The following CDH13 variants were observed in gnomAD, a reference collection of about 807,000 sequenced individuals.
The protein encoded by CDH13 is cadherin-13.
A neutral mutation model predicts 63.8 loss-of-function variants in CDH13; 24 were observed. That is an observed-to-expected ratio of 0.38 (90% CI 0.27 to 0.53). The LOEUF is 0.53. Ranked by LOEUF, CDH13 falls within the 20% of genes least tolerant of loss-of-function variation. The probability of loss-of-function intolerance (pLI) is 0.85; values close to 1 mark genes in which losing one functional copy is unlikely to be tolerated. For synonymous variants in CDH13, 503 were observed against 355.3 expected (o/e 1.42, Z -4.67); for missense variants, 1,049 against 903.1 (o/e 1.16, Z -2.07).
At chr16:83,052,776 C>CAAAAAAAAAAAAAAAAAAA (rs71148805) in intron 3 of CDH13, among the ~76,000 whole-genome samples, 1 of 92,918 alleles carries the variant, frequency 1.1e-5, no homozygotes, top group Non-Finnish European at 2.1e-5. Context: ...GACTTTATCT[C>CAAAAAAAAAAAAAAAAAAA]AAAAAAAAAA....
Position 82,705,058 on chromosome 16 carries a change from G to GT in CDH13, c.45+77922dup. On this transcript the variant is annotated intron_variant, in intron 1 of 13. Coordinates refer to ENST00000567109, the MANE Select transcript of CDH13 (RefSeq NM_001257.5). ...TAAACGGTTTCTTCTTTTTATTCTT[G>GT]TAGACACCAGTGAGGCCTACCATAT... is the stretch of plus-strand genomic sequence containing the variant. The GT allele has an allele frequency of 4.6e-6, 2 of 437,966 alleles. 1 individual carries two copies. The highest frequency in any genetic ancestry group is 3.3e-5 in the South Asian group (2 of 61,252). The allele number at this position is 437,966 out of a possible 1,614,324, so 27.1% of individuals were successfully genotyped here.
intron 5 of CDH13, among the ~76,000 whole-genome samples, chr16:83,245,231 C>A (rs909292071): frequency 6.6e-6 from 1 of 152,144 alleles, no homozygotes; most frequent in Non-Finnish European, 1.5e-5. Context: ...GGCTCTCTGC[C>A]ACCCCCCACT....
chr16:83,220,280 A>G (rs940246866), intron 5 of CDH13, among the ~76,000 whole-genome samples: 1 of 152,192 alleles, frequency 6.6e-6, no homozygotes, highest in African/African-American at 2.4e-5. Flanking sequence ...TTTTTAGATG[A>G]TGAGAACTGG....
At chr16:82,774,116 A>G (rs1293685463) in intron 1 of CDH13, among the ~76,000 whole-genome samples, 1 of 149,402 alleles carries the variant, frequency 6.7e-6, no homozygotes, top group Non-Finnish European at 1.5e-5. Flanking sequence ...ATTACTCATC[A>G]TTGGAATTCT....
intron 7 of CDH13, among the ~76,000 whole-genome samples, chr16:83,495,239 A>G (rs1653136921): frequency 6.6e-6 from 1 of 152,212 alleles, no homozygotes; most frequent in South Asian, 2.1e-4. Context: ...ATTAATCAAT[A>G]CTTGTAAAAT....
intron 2 of CDH13, among the ~76,000 whole-genome samples, chr16:83,015,406 C>G (rs899100472): frequency 6.6e-6 from 1 of 150,960 alleles, no homozygotes; most frequent in Non-Finnish European, 1.5e-5. Flanking sequence ...GAAAACCGTA[C>G]TGCTAAAAAG....
Position 83,344,939 on chromosome 16 carries a change from G to C in CDH13, c.714G>C (p.Gln238His). Residue 238 changes from glutamine (Q) to histidine (H), a missense_variant, in exon 6 of 14, where the codon CAG (glutamine) becomes CAC (histidine). Coordinates refer to ENST00000567109, the MANE Select transcript of CDH13 (RefSeq NM_001257.5). ...PVPLEVIVID[Q>H]NDNRPIFREG... The stretch of plus-strand genomic sequence containing the variant: ...CTCTGGAAGTCATTGTGATTGATCA[G>C]AATGACAACCGACCGATCTTTCGGG... 3 of 1,613,974 alleles carry C rather than the reference G, an allele frequency of 1.9e-6. No individual in the cohort carries two copies. The highest frequency in any genetic ancestry group is 2.5e-6 in the Non-Finnish European group (3 of 1,179,832).
chr16:83,681,669 C>T (rs1356974846), intron 10 of CDH13, among the ~76,000 whole-genome samples: 1 of 152,138 alleles, frequency 6.6e-6, no homozygotes, highest in African/African-American at 2.4e-5. Context: ...ACAGGTTGAG[C>T]TATTGTCATG....
chr16:83,667,122 TGGATGG>T (rs1307613225), intron 8 of CDH13, among the ~76,000 whole-genome samples: 6 of 151,644 alleles, frequency 4.0e-5, no homozygotes, highest in African/African-American at 9.7e-5. Flanking sequence ...GATGGATGGA[TGGATGG>T]ATAAATAGAT....
chr16:83,068,577 C>T (rs1374440605), intron 3 of CDH13, among the ~76,000 whole-genome samples: 1 of 152,186 alleles, frequency 6.6e-6, no homozygotes, highest in Non-Finnish European at 1.5e-5. Flanking sequence ...CCCTCTGAAC[C>T]AGCCACCTGA....
intron 5 of CDH13, among the ~76,000 whole-genome samples, chr16:83,307,916 A>G (rs571960704): frequency 1.5e-4 from 23 of 152,324 alleles, no homozygotes; most frequent in African/African-American, 5.1e-4. Flanking sequence ...TATAGATTAT[A>G]CATTTCCATG....
intron 7 of CDH13, 142 bp downstream of exon 7, chr16:83,486,797 A>G: frequency 1.3e-6 from 1 of 744,884 alleles, no homozygotes. Flanking sequence ...TGGTGGGGAA[A>G]ATCTATAAAG....
At chr16:83,299,845 T>G (rs1289019540) in intron 5 of CDH13, among the ~76,000 whole-genome samples, 1 of 152,204 alleles carries the variant, frequency 6.6e-6, no homozygotes, top group African/African-American at 2.4e-5. Flanking sequence ...CACAGCTTAG[T>G]GAGATCAGGC....
chr16:82,752,596 T>C (rs1205469985), intron 1 of CDH13, among the ~76,000 whole-genome samples: 2 of 152,216 alleles, frequency 1.3e-5, no homozygotes, highest in African/African-American at 4.8e-5. Context: ...GAGCTATTCA[T>C]GTGCAAGTAA....
intron 11 of CDH13, among the ~76,000 whole-genome samples, chr16:83,749,921 T>C (rs1301074546): frequency 6.6e-6 from 1 of 152,190 alleles, no homozygotes; most frequent in Non-Finnish European, 1.5e-5. Flanking sequence ...TAGGGCATGC[T>C]AGTTCTGGTG....
rs184472465 is a variant in CDH13, at chr16:82,991,245, A to G, written c.158-40765A>G. The stretch of plus-strand genomic sequence containing the variant: ...CACATTCAACTGAAAAATTGATCAC[A>G]CGCTCTTAGGTATTACATGGGTCAC... On this transcript the variant is annotated intron_variant, in intron 2 of 13. Coordinates refer to ENST00000567109, the MANE Select transcript of CDH13 (RefSeq NM_001257.5). Among the ~76,000 whole-genome samples the G allele has an allele frequency of 5.1e-4, 78 of 152,296 alleles. 1 individual carries two copies. The highest frequency in any genetic ancestry group is 1.5e-5 in the Non-Finnish European group (1 of 68,022).
chr16:83,323,589 C>G (rs1416852923), intron 5 of CDH13, among the ~76,000 whole-genome samples: 1 of 152,198 alleles, frequency 6.6e-6, no homozygotes, highest in African/African-American at 2.4e-5. Flanking sequence ...CCAAAGACCT[C>G]TCTACCTTAA....
At chr16:82,674,344 T>C (rs974712889) in intron 1 of CDH13, among the ~76,000 whole-genome samples, 1 of 152,206 alleles carries the variant, frequency 6.6e-6, no homozygotes, top group African/African-American at 2.4e-5. Context: ...ACAAATAATA[T>C]TGTAATTGGA....
intron 1 of CDH13, among the ~76,000 whole-genome samples, chr16:82,743,402 A>AT (rs1298387007): frequency 1.3e-5 from 2 of 151,906 alleles, no homozygotes; most frequent in Non-Finnish European, 2.9e-5. Flanking sequence ...TAATTTTTGC[A>AT]TTTTTTTGTA....
Sources: allele counts gnomAD v4.1 joint callset (sites outside exome capture counted in the v4.1 genomes callset), GRCh38; gene constraint gnomAD v4.1.1; transcripts MANE v1.5; gene names NCBI Gene and HGNC (gene_info 2026-07-23, HGNC 2026-07-21).